Variants in FOSL1 observed in about 807,000 individuals in gnomAD.
The protein encoded by FOSL1 is FOS like 1, AP-1 transcription factor subunit.
In FOSL1, 14 loss-of-function variants were observed where a neutral mutation model predicts 24.9. The observed-to-expected ratio is 0.56, with a 90% confidence interval of 0.37 to 0.88. The LOEUF (loss-of-function observed/expected upper bound fraction) is 0.88, where lower values mean the gene tolerates loss of function less well. Ranked by LOEUF, FOSL1 falls within the 40% of genes least tolerant of loss-of-function variation. FOSL1 has a pLI of 0.00. For missense variants in FOSL1, 318 were observed against 359.8 expected, an observed-to-expected ratio of 0.88 and a Z score of 0.94; for synonymous variants, 133 against 145.1, an observed-to-expected ratio of 0.92 and a Z score of 0.60.
intron 1 of FOSL1, among the ~76,000 whole-genome samples, chr11:65,898,252 G>GCCAGC (rs1215869899): frequency 6.6e-6 from 1 of 152,032 alleles, no homozygotes; most frequent in Non-Finnish European, 1.5e-5. Flanking sequence ...TGTTGGCCAG[G>GCCAGC]CTGGTCTTGA....
rs974178466 is a variant in FOSL1 at position 65,896,817 on chromosome 11, A to G, written c.289T>C (p.Cys97Arg). 1.2e-6 allele frequency: 2 copies of G among 1,605,782 alleles called. No homozygotes were observed. The highest frequency in any genetic ancestry group is 8.5e-7 in the Non-Finnish European group (1 of 1,175,010). The change falls in exon 2 of 4, where the codon TGT becomes CGT. Residue 97 changes from cysteine (C) to arginine (R), a missense_variant. By Grantham distance (180) the Cys-to-Arg change is radical (BLOSUM62 -3). Transcript: ENST00000312562. ...ATGCCTCTGTGCCTTACCTGTTCAC[A>G]AGGCCTTCGACGTACCCCTGGAGGC... The part of the protein sequence containing the change: ...GPPPGVRRRP[C>R]EQISPEEEER...
chr11:65,896,920 G>T lies in FOSL1; in HGVS notation c.186C>A (p.Ser62Arg). Reference sequence around the variant, plus strand: ...GGTAGGTCAGAGGCCTGGGGTAACTGCTGGGCCCCAGGAAATGAGGCTGTA... The same window carrying T: ...GGTAGGTCAGAGGCCTGGGGTAACTTCTGGGCCCCAGGAAATGAGGCTGTA... ...WMVQPHFLGP[S>R]SYPRPLTYPQ... Residue 62 changes from serine (S) to arginine (R), a missense_variant, in exon 2 of 4, where the codon AGC (serine) becomes AGA (arginine). Physicochemically the swap from Ser to Arg is moderately radical, Grantham distance 110. Transcript: ENST00000312562. 1.9e-6 allele frequency: 3 copies of T among 1,613,842 alleles called. No individual in the cohort carries two copies. Among genetic ancestry groups the T allele is most frequent in the Non-Finnish European group, 2.5e-6 (3 of 1,179,704 alleles).
rs748182697 is a variant in FOSL1, at chr11:65,896,826, G to C, written c.280C>G (p.Arg94Gly). 1.7e-5 allele frequency: 28 copies of C among 1,609,854 alleles called. No homozygotes were observed. The highest frequency in any genetic ancestry group is 2.3e-5 in the Non-Finnish European group (27 of 1,177,494). The change falls in exon 2 of 4, where the codon CGA becomes GGA. Residue 94 changes from arginine (R) to glycine (G), a missense_variant. Physicochemically the swap from Arg to Gly is moderately radical, Grantham distance 125. Transcript: ENST00000312562. Reference protein sequence around the residue: ...RALGPPPGVRRRPCEQISPEE... With the variant: ...RALGPPPGVRGRPCEQISPEE... The stretch of plus-strand genomic sequence containing the variant: ...TGCCTTACCTGTTCACAAGGCCTTC[G>C]ACGTACCCCTGGAGGCGGCCCCAGG...
chr11:65,900,417 T>G, upstream of FOSL1: 1 of 845,296 alleles, frequency 1.2e-6, no homozygotes, highest in Non-Finnish European at 1.6e-6. Flanking sequence ...CTTTTCTTTT[T>G]ATGAATGAAA....
At chr11:65,895,526 C>T (rs919858392) in intron 2 of FOSL1, among the ~76,000 whole-genome samples, 1 of 152,202 alleles carries the variant, frequency 6.6e-6, no homozygotes, top group African/African-American at 2.4e-5. Flanking sequence ...AGAACTCACT[C>T]ACTCTATTCC....
chr11:65,896,855 C>G lies in FOSL1; in HGVS notation c.251G>C (p.Arg84Pro). ...TACCCCTGGAGGCGGCCCCAGGGCCCGGATGACTCCTGGCCGGGGTTGTGG... is the reference window on the plus strand; with the variant it reads ...TACCCCTGGAGGCGGCCCCAGGGCCGGGATGACTCCTGGCCGGGGTTGTGG... ...SPPQPRPGVI[R>P]ALGPPPGVRR... Residue 84 changes from arginine to proline, a missense_variant, in exon 2 of 4, where the codon CGG becomes CCG. By Grantham distance (103) the Arg-to-Pro change is moderately radical (BLOSUM62 -2). Transcript: ENST00000312562. 6.2e-7 allele frequency: 1 copy of G among 1,613,476 alleles called. No individual in the cohort carries two copies. The highest frequency in any genetic ancestry group is 1.3e-5 in the African/African-American group (1 of 75,024).
chr11:65,899,507 G>A (rs891599527), intron 1 of FOSL1, among the ~76,000 whole-genome samples: 1 of 152,228 alleles, frequency 6.6e-6, no homozygotes, highest in Admixed American at 6.5e-5. Flanking sequence ...CCTCCCGGGT[G>A]CCCCCCGGCG....
Position 65,892,691 on chromosome 11 carries a change from A to G in FOSL1, c.*195T>C, listed in dbSNP as rs1286784425. 8.5e-6 allele frequency: 6 copies of G among 704,480 alleles called. No individual in the cohort carries two copies. Among genetic ancestry groups the G allele is most frequent in the Non-Finnish European group, 7.7e-6 (3 of 388,142 alleles). 43.6% of individuals were successfully genotyped at this position (704,480 alleles called of 1,614,324 possible). A position where few individuals can be genotyped will look rare whatever the true frequency, so the allele number is the denominator to read the frequency against. On this transcript the variant is annotated 3_prime_UTR_variant, in exon 4 of 4. Transcript: ENST00000312562. ...AAATTGTGCTAGAGAGGCCAGCTCA[A>G]GAGAAACAGTGGGCAGCTTTGGTGG...
In FOSL1 at chr11:65,896,985, T is replaced by TG; in HGVS notation, c.120dup (p.Ile41HisfsTer58). 1.2e-6 allele frequency: 2 copies of TG among 1,614,060 alleles called. No individual in the cohort carries two copies. Among genetic ancestry groups the TG allele is most frequent in the Non-Finnish European group, 1.7e-6 (2 of 1,179,924 alleles). On this transcript the variant is annotated frameshift_variant, in exon 2 of 4. Coordinates refer to ENST00000312562, the MANE Select transcript of FOSL1 (RefSeq NM_005438.5). LOFTEE classifies it high-confidence loss of function. ...TCCTGACTGCCACTCATGGTGTTGA[T>TG]GCTTGGCACCAGGTGGAACTTCTAA...
chr11:65,893,382 TGGGGTTGGGCG>T, intron 3 of FOSL1, 86 bp from the exon 4 acceptor site: 1 of 609,206 alleles, frequency 1.6e-6, no homozygotes, highest in Non-Finnish European at 2.5e-6. Flanking sequence ...TCTGAGGAGC[TGGGGTTGGGCG>T]GGGGGAGAGG....
intron 2 of FOSL1, 23 bp downstream of exon 2, chr11:65,896,786 A>G: frequency 6.4e-7 from 1 of 1,565,966 alleles, no homozygotes; most frequent in Non-Finnish European, 8.7e-7. Context: ...GGTCGGAACC[A>G]CTGCAATGCC....
Position 65,893,074 on chromosome 11 carries a change from G to C in FOSL1, c.628C>G (p.Leu210Val). ...PCISLSPGPV[L>V]EPEALHTPTL... The stretch of plus-strand genomic sequence containing the variant: ...GGGGTGTGCAGTGCCTCAGGTTCAA[G>C]CACAGGCCCTGGGGAAAGGGAGATA... The change falls in exon 4 of 4, where the codon CTT becomes GTT. Residue 210 changes from leucine to valine, a missense_variant. Physicochemically the swap from Leu to Val is conservative, Grantham distance 32 (BLOSUM62 1). Transcript: ENST00000312562. The C allele has an allele frequency of 1.2e-6, 2 of 1,611,808 alleles. No homozygotes were observed. The highest frequency in any genetic ancestry group is 1.7e-6 in the Non-Finnish European group (2 of 1,179,004).
intron 3 of FOSL1, 118 bp from the exon 4 acceptor site, chr11:65,893,414 G>A: frequency 2.7e-6 from 2 of 743,408 alleles, no homozygotes; most frequent in South Asian, 1.8e-5. Context: ...GGGGGCAGTG[G>A]AGAGTCCCCA....
chr11:65,896,740 G>C, intron 2 of FOSL1, 69 bp downstream of exon 2: 1 of 1,305,594 alleles, frequency 7.7e-7, no homozygotes, highest in Non-Finnish European at 1.1e-6. Context: ...CTCCTTTCTG[G>C]CAGGAGCTTC....
chr11:65,895,444 A>C (rs906697966), intron 2 of FOSL1, among the ~76,000 whole-genome samples: 1 of 152,124 alleles, frequency 6.6e-6, no homozygotes, highest in Admixed American at 6.5e-5. Flanking sequence ...TTCTTAACGC[A>C]ACTTTCCATG....
At chr11:65,900,180 T>C in intron 1 of FOSL1, 61 bp downstream of exon 1, 1 of 843,310 alleles carries the variant, frequency 1.2e-6, no homozygotes, top group South Asian at 5.9e-5. Flanking sequence ...CGTGCGGGAG[T>C]TGACCCCGGC....
At position 65,893,999 on chromosome 11, in the gene FOSL1, A is replaced by G. The variant is rs1405659491; in HGVS notation, c.405+15T>C. The G allele has an allele frequency of 1.6e-5, 24 of 1,547,910 alleles. No homozygotes were observed. Among genetic ancestry groups the G allele is most frequent in the Middle Eastern group, 1.8e-4 (1 of 5,430 alleles). On this transcript the variant is annotated intron_variant, in intron 3 of 3. Transcript: ENST00000312562. ...AGGGTCCCTCTGAGCTCGGTGGACC[A>G]GGGCTGGTGCTCACCGCCTGCAGGA...
At chr11:65,898,290 C>T (rs1192132708) in intron 1 of FOSL1, among the ~76,000 whole-genome samples, 8 of 152,276 alleles carry the variant, frequency 5.3e-5, no homozygotes, top group Non-Finnish European at 2.9e-5. Context: ...ATCCACCCGC[C>T]TTGGCCTCCC....
At chr11:65,898,556 C>T (rs1037099661) in intron 1 of FOSL1, among the ~76,000 whole-genome samples, 5 of 152,186 alleles carry the variant, frequency 3.3e-5, no homozygotes. Context: ...TATTTAACCT[C>T]CATGTGCCTC....
Sources: gnomAD v4.1 joint callset for allele counts (sites outside exome capture counted in the v4.1 genomes callset) on GRCh38, gnomAD v4.1.1 for gene constraint, MANE v1.5 for transcripts, NCBI Gene and HGNC (gene_info 2026-07-23, HGNC 2026-07-21) for gene names.